The following PCCA variants were observed in gnomAD, a reference collection of about 807,000 sequenced individuals.
The protein encoded by PCCA is propionyl-CoA carboxylase subunit alpha.
A neutral mutation model predicts 101.3 loss-of-function variants in PCCA; 74 were observed. The observed-to-expected ratio is 0.73, with a 90% CI of 0.61 to 0.89. PCCA has a LOEUF of 0.89. Among genes scored for constraint, PCCA ranks in the 40% least tolerant of loss-of-function variants. PCCA has a pLI of 0.00. For synonymous variants in PCCA, 294 were observed against 313.6 expected, an observed-to-expected ratio of 0.94 and a Z score of 0.66; for missense variants, 891 against 907.0, an observed-to-expected ratio of 0.98 and a Z score of 0.23.
chr13:100,220,034 C>G (rs994083487), intron 7 of PCCA, among the ~76,000 whole-genome samples: 1 of 152,036 alleles, frequency 6.6e-6, no homozygotes, highest in Admixed American at 6.6e-5. Flanking sequence ...TTTTCTTTTT[C>G]TGGCTTAAGG....
intron 15 of PCCA, 99 bp from the exon 16 acceptor site, chr13:100,309,734 G>A (rs2066755983): frequency 3.9e-6 from 3 of 776,450 alleles, no homozygotes; most frequent in Admixed American, 2.6e-5. Flanking sequence ...GATATATTTA[G>A]AAATCTGTTA....
intron 19 of PCCA, among the ~76,000 whole-genome samples, chr13:100,404,402 TG>T (rs2077548129): frequency 1.3e-5 from 2 of 151,988 alleles, no homozygotes; most frequent in African/African-American, 4.8e-5. Context: ...CTGAGGTGAG[TG>T]TATCATAGTA....
chr13:100,142,880 G>A (rs1175485856), intron 4 of PCCA, among the ~76,000 whole-genome samples: 1 of 152,196 alleles, frequency 6.6e-6, no homozygotes, highest in East Asian at 1.9e-4. Context: ...TTCAGCTGGT[G>A]GCCCAGCATA....
At chr13:100,528,955 T>C (rs1323733430) in intron 23 of PCCA, among the ~76,000 whole-genome samples, 4 of 151,974 alleles carry the variant, frequency 2.6e-5, no homozygotes, top group African/African-American at 9.7e-5. Context: ...AGGTCTGAGG[T>C]GCTAATGCAG....
At chr13:100,471,152 A>G (rs1253408592) in intron 21 of PCCA, among the ~76,000 whole-genome samples, 3 of 152,158 alleles carry the variant, frequency 2.0e-5, no homozygotes, top group Non-Finnish European at 4.4e-5. Context: ...GCTTAATTTC[A>G]ATACTGTTGT....
At position 100,425,685 on chromosome 13, in the gene PCCA, C is replaced by T. The variant is rs201702922; in HGVS notation, c.1799C>T (p.Ser600Leu). 2.0e-5 allele frequency: 32 copies of T among 1,614,140 alleles called. 1 individual carries two copies. In the East Asian group the frequency reaches 2.7e-4, roughly 13 times the overall value. The change falls in exon 20 of 24, where the codon TCG becomes TTG. Residue 600 changes from serine to leucine, a missense_variant. Coordinates refer to ENST00000376285, the MANE Select transcript of PCCA (RefSeq NM_000282.4). ...LNVTSTWNLA[S>L]PLLSVSVDGT... ...GTGACCAGCACGTGGAACCTGGCTTCGCCCTTATTGTCTGTCAGCGTTGAT... is the reference window on the plus strand; with the variant it reads ...GTGACCAGCACGTGGAACCTGGCTTTGCCCTTATTGTCTGTCAGCGTTGAT...
chr13:100,436,577 C>T (rs890957797), intron 20 of PCCA, among the ~76,000 whole-genome samples: 5 of 152,192 alleles, frequency 3.3e-5, no homozygotes, highest in African/African-American at 9.6e-5. Context: ...AGGAAGTTGG[C>T]GTGAAACAGC....
At chr13:100,220,160 C>T (rs1193584059) in intron 7 of PCCA, among the ~76,000 whole-genome samples, 2 of 152,172 alleles carry the variant, frequency 1.3e-5, no homozygotes, top group African/African-American at 4.8e-5. Flanking sequence ...GCTTATCCTT[C>T]GTCTGCTAGA....
At chr13:100,357,062 C>T (rs1391665857) in intron 18 of PCCA, among the ~76,000 whole-genome samples, 2 of 152,074 alleles carry the variant, frequency 1.3e-5, no homozygotes. Flanking sequence ...AGAGTAACTG[C>T]TCTCGTATCT....
At chr13:100,495,695 A>G (rs1239001473) in intron 21 of PCCA, among the ~76,000 whole-genome samples, 1 of 152,192 alleles carries the variant, frequency 6.6e-6, no homozygotes, top group Non-Finnish European at 1.5e-5. Flanking sequence ...CTGTGTAACC[A>G]CTGACTTCAA....
intron 7 of PCCA, among the ~76,000 whole-genome samples, chr13:100,222,770 T>A (rs1245761311): frequency 6.6e-6 from 1 of 151,974 alleles, no homozygotes; most frequent in African/African-American, 2.4e-5. Flanking sequence ...TATATTCTAT[T>A]TTTTTTCCCC....
intron 16 of PCCA, among the ~76,000 whole-genome samples, chr13:100,327,443 A>G (rs563345964): frequency 1.3e-5 from 2 of 152,308 alleles, no homozygotes; most frequent in East Asian, 3.9e-4. Context: ...CATTGTATGG[A>G]CAAGCCCAGT....
intron 18 of PCCA, among the ~76,000 whole-genome samples, chr13:100,364,468 C>G (rs895463566): frequency 1.3e-5 from 2 of 152,106 alleles, no homozygotes; most frequent in African/African-American, 4.8e-5. Context: ...ATAGAGCATG[C>G]ATTCTTTCAG....
rs559114352 is a variant in PCCA, at chr13:100,525,734, C to T, written c.2041-1941C>T. Among the ~76,000 whole-genome samples, 3 of 152,292 alleles carry T rather than the reference C, an allele frequency of 2.0e-5. No individual in the cohort carries two copies. The South Asian group carries it at 6.2e-4, about 32-fold the overall frequency. ...ACTGGCAGAGAGGGTAGGGGCTGTG[C>T]CACCCATGTGAAGCCAATGTACTTG... On this transcript the variant is annotated intron_variant, in intron 22 of 23. Transcript: ENST00000376285.
intron 19 of PCCA, among the ~76,000 whole-genome samples, chr13:100,387,255 G>C (rs2076562577): frequency 6.6e-6 from 1 of 152,226 alleles, no homozygotes; most frequent in African/African-American, 2.4e-5. Flanking sequence ...ACATAGGTCA[G>C]AGTAAGGAAG....
At chr13:100,370,199 C>G (rs1367432460) in intron 19 of PCCA, among the ~76,000 whole-genome samples, 2 of 148,678 alleles carry the variant, frequency 1.3e-5, no homozygotes, top group Admixed American at 1.4e-4. Flanking sequence ...TTTCTCCTGC[C>G]TCAGCCTCCC....
At chr13:100,131,878 CATT>C (rs1179712748) in intron 4 of PCCA, among the ~76,000 whole-genome samples, 3 of 152,096 alleles carry the variant, frequency 2.0e-5, no homozygotes, top group Non-Finnish European at 4.4e-5. Flanking sequence ...ACATTTATGA[CATT>C]AGTGTAATGA....
At chr13:100,235,736 A>G (rs1206177812) in intron 7 of PCCA, 106 bp from the exon 8 acceptor site, 2 of 777,220 alleles carry the variant, frequency 2.6e-6, no homozygotes, top group East Asian at 2.5e-5. Flanking sequence ...GTAAAATTGA[A>G]CATTAAATGA....
At chr13:100,150,992 G>A in intron 4 of PCCA, 1 of 1,522,398 alleles carries the variant, frequency 6.6e-7, no homozygotes, top group South Asian at 1.1e-5. Flanking sequence ...CCTGTGGAGA[G>A]CAGAGAGCTG....
Sources: allele counts gnomAD v4.1 joint callset (sites outside exome capture counted in the v4.1 genomes callset), GRCh38; gene constraint gnomAD v4.1.1; transcripts MANE v1.5; gene names NCBI Gene and HGNC (gene_info 2026-07-23, HGNC 2026-07-21).